STK4: variants seen among roughly 807,000 people sequenced by gnomAD.
STK4 encodes serine/threonine kinase 4.
STK4 carries 30 observed loss-of-function variants against 64.9 expected under a neutral mutation model. That is an observed-to-expected ratio of 0.46 (90% CI 0.35 to 0.63). STK4 has a LOEUF of 0.63. STK4 is among the 20% of genes least tolerant of loss of function. The pLI is 0.01. For synonymous variants in STK4, 177 were observed against 199.0 expected (o/e 0.89, Z 0.93); for missense variants, 466 against 598.5 (o/e 0.78, Z 2.31).
intron 9 of STK4, among the ~76,000 whole-genome samples, chr20:45,018,663 A>C (rs1235297156): frequency 6.6e-6 from 1 of 152,170 alleles, no homozygotes; most frequent in Non-Finnish European, 1.5e-5. Flanking sequence ...GTTTATTCAC[A>C]GAGTTGTGCA....
intron 10 of STK4, among the ~76,000 whole-genome samples, chr20:45,052,299 A>G (rs906883063): frequency 3.3e-5 from 5 of 152,176 alleles, no homozygotes; most frequent in African/African-American, 1.2e-4. Context: ...AATAATAATT[A>G]CATTTTAACA....
intron 10 of STK4, among the ~76,000 whole-genome samples, chr20:45,070,196 C>A (rs1979934048): frequency 6.6e-6 from 1 of 152,156 alleles, no homozygotes; most frequent in African/African-American, 2.4e-5. Flanking sequence ...AGGCAGGGGC[C>A]AGCCATATGA....
intron 10 of STK4, among the ~76,000 whole-genome samples, chr20:45,063,652 C>T (rs770217676): frequency 6.6e-6 from 1 of 152,120 alleles, no homozygotes; most frequent in Non-Finnish European, 1.5e-5. Context: ...GTGTCTTCGT[C>T]ATGAAATCTT....
At chr20:44,993,760 C>T (rs2067677706) in intron 5 of STK4, among the ~76,000 whole-genome samples, 1 of 152,190 alleles carries the variant, frequency 6.6e-6, no homozygotes. Flanking sequence ...AGGTGGATCA[C>T]CTGAGGTCAG....
chr20:45,005,771 T>C (rs2067931841), intron 9 of STK4, among the ~76,000 whole-genome samples: 2 of 152,126 alleles, frequency 1.3e-5, no homozygotes, highest in African/African-American at 4.8e-5. Context: ...GCTTATACTT[T>C]ATCTTATGGG....
At chr20:45,038,728 G>T (rs2068566258) in intron 10 of STK4, among the ~76,000 whole-genome samples, 1 of 151,726 alleles carries the variant, frequency 6.6e-6, no homozygotes, top group Non-Finnish European at 1.5e-5. Context: ...ACCCCAGAGG[G>T]CTTTCGTTTA....
intron 7 of STK4, among the ~76,000 whole-genome samples, chr20:44,998,090 T>A (rs1211151771): frequency 6.6e-6 from 1 of 152,120 alleles, no homozygotes; most frequent in Non-Finnish European, 1.5e-5. Flanking sequence ...AGAGCAGTGG[T>A]GGGTACTGTT....
In STK4 at chr20:44,987,115, T is replaced by C; in HGVS notation, c.361-17T>C. On this transcript the variant is annotated splice_polypyrimidine_tract_variant and intron_variant, in intron 4 of 10. Coordinates refer to ENST00000372806, the MANE Select transcript of STK4 (RefSeq NM_006282.5). ...GATGTAAACTGATAGAATTTGAACT[T>C]CTTATTCTTTTTTCAGTTAACAGAA... 1.3e-6 allele frequency: 2 copies of C among 1,572,220 alleles called. No individual in the cohort carries two copies. The highest frequency in any genetic ancestry group is 1.7e-6 in the Non-Finnish European group (2 of 1,158,744).
At chr20:45,020,018 C>G (rs1249475855) in intron 9 of STK4, among the ~76,000 whole-genome samples, 1 of 152,098 alleles carries the variant, frequency 6.6e-6, no homozygotes, top group African/African-American at 2.4e-5. Flanking sequence ...TCTAACATGT[C>G]AAGAATCTTT....
In STK4 at chr20:44,981,792, G is replaced by C. The variant is rs2067444572; in HGVS notation, c.246-37G>C. On this transcript the variant is annotated intron_variant, in intron 3 of 10. Coordinates refer to ENST00000372806, the MANE Select transcript of STK4 (RefSeq NM_006282.5). ...AGCATGAATTAAGAGATATTTGAAG[G>C]CCATTTTATTAATTTGTATTGTCTC... 2.4e-6 allele frequency: 3 copies of C among 1,248,590 alleles called. No homozygotes were observed. The East Asian group carries it at 7.0e-5, about 29-fold the overall frequency. The allele number at this position is 1,248,590 out of a possible 1,614,324, so 77.3% of individuals were successfully genotyped here. A position where few individuals can be genotyped will look rare whatever the true frequency, so the allele number is the denominator to read the frequency against.
intron 9 of STK4, among the ~76,000 whole-genome samples, chr20:45,013,888 C>T (rs1280430756): frequency 2.0e-5 from 3 of 152,060 alleles, no homozygotes; most frequent in African/African-American, 7.2e-5. Flanking sequence ...GTATTACTCA[C>T]ATATGTCATC....
At chr20:45,033,142 G>A (rs2068472760) in intron 10 of STK4, among the ~76,000 whole-genome samples, 1 of 151,922 alleles carries the variant, frequency 6.6e-6, no homozygotes, top group Admixed American at 6.6e-5. Flanking sequence ...TTGTTAATTT[G>A]TTTAAGTTCC....
intron 10 of STK4, among the ~76,000 whole-genome samples, chr20:45,048,613 C>T (rs1373818793): frequency 1.3e-5 from 2 of 151,958 alleles, no homozygotes. Context: ...TCAGGTGGTT[C>T]TCCTGCCTCA....
At chr20:45,025,715 C>G (rs1173764108) in intron 10 of STK4, among the ~76,000 whole-genome samples, 1 of 152,118 alleles carries the variant, frequency 6.6e-6, no homozygotes. Flanking sequence ...AAAAAGTAAG[C>G]TAAGGAGTCT....
chr20:45,001,072 C>T, intron 8 of STK4, 95 bp from the exon 9 acceptor site: 3 of 1,353,568 alleles, frequency 2.2e-6, no homozygotes, highest in Non-Finnish European at 3.0e-6. Flanking sequence ...AGTGTTAAAT[C>T]TCGAAATATT....
chr20:45,049,739 C>T (rs2068749101), intron 10 of STK4, among the ~76,000 whole-genome samples: 1 of 152,142 alleles, frequency 6.6e-6, no homozygotes, highest in Non-Finnish European at 1.5e-5. Context: ...GTTTTACGTA[C>T]AGTGATACAG....
chr20:45,067,947 G>A lies in STK4; in HGVS notation c.1306-7071G>A, dbSNP rs11905061. ...TGTGGTATGTGTCCTGTACCGTGTT[G>A]TGAGCTCATCTTAGAGCAACAGCAG... On this transcript the variant is annotated intron_variant, in intron 10 of 10. Coordinates refer to ENST00000372806, the MANE Select transcript of STK4 (RefSeq NM_006282.5). Among the ~76,000 whole-genome samples, 321 of 152,262 alleles carry A rather than the reference G, an allele frequency of 2.1e-3. 1 individual carries two copies. The highest frequency in any genetic ancestry group is 7.5e-3 in the African/African-American group (310 of 41,542).
intron 10 of STK4, among the ~76,000 whole-genome samples, chr20:45,039,842 A>G (rs2068584695): frequency 6.6e-6 from 1 of 152,126 alleles, no homozygotes; most frequent in Non-Finnish European, 1.5e-5. Flanking sequence ...GTTTCTACTG[A>G]GGCTAACAGT....
chr20:45,033,480 T>C (rs1466096009), intron 10 of STK4, among the ~76,000 whole-genome samples: 1 of 152,178 alleles, frequency 6.6e-6, no homozygotes, highest in African/African-American at 2.4e-5. Context: ...CCAGTTTCAG[T>C]CTTTTGCATA....
Sources: gnomAD v4.1 joint callset for allele counts (sites outside exome capture counted in the v4.1 genomes callset) on GRCh38, gnomAD v4.1.1 for gene constraint, MANE v1.5 for transcripts, NCBI Gene and HGNC (gene_info 2026-07-23, HGNC 2026-07-21) for gene names.